ANKRD13C: variants seen among roughly 807,000 people sequenced by gnomAD.
ANKRD13C encodes ankyrin repeat domain 13C, also known as ankyrin repeat domain-containing protein 13C.
Under a neutral mutation model 65.5 loss-of-function variants are expected in ANKRD13C, and 16 were observed. That is an observed-to-expected ratio of 0.24 (90% CI 0.17 to 0.37). The LOEUF (loss-of-function observed/expected upper bound fraction) is 0.37. ANKRD13C is among the 10% of genes least tolerant of loss of function. The pLI is 1.00. For missense variants in ANKRD13C, 503 were observed against 655.9 expected, an observed-to-expected ratio of 0.77 and a Z score of 2.55; for synonymous variants, 235 against 238.7, an observed-to-expected ratio of 0.98 and a Z score of 0.14.
Position 70,345,509 on chromosome 1 carries a change from G to GTGCTTT in ANKRD13C, c.430+8469_430+8470insAAAGCA, listed in dbSNP as rs777951047. ...GTACTGTATTACACTGAAATATATTGGTCTGTCTTGTGCTTTGAATGGATC... is the reference window on the plus strand; with the variant it reads ...GTACTGTATTACACTGAAATATATTGTGCTTTGTCTGTCTTGTGCTTTGAATGGATC... On this transcript the variant is annotated intron_variant, in intron 1 of 12. Coordinates refer to ENST00000370944, the MANE Select transcript of ANKRD13C (RefSeq NM_030816.5). Among the ~76,000 whole-genome samples, 160 of 151,902 alleles carry GTGCTTT rather than the reference G, an allele frequency of 1.1e-3. 1 individual carries two copies. Among genetic ancestry groups the GTGCTTT allele is most frequent in the Non-Finnish European group, 1.2e-3 (83 of 67,974 alleles).
intron 3 of ANKRD13C, among the ~76,000 whole-genome samples, chr1:70,316,014 T>C (rs557855474): frequency 2.6e-5 from 4 of 152,288 alleles, no homozygotes; most frequent in African/African-American, 7.2e-5. Flanking sequence ...AATGTCCTAA[T>C]AGAACACTGA....
At chr1:70,274,891 T>C (rs1679063059) in intron 10 of ANKRD13C, 73 bp from the exon 11 acceptor site, 2 of 898,790 alleles carry the variant, frequency 2.2e-6, no homozygotes. Flanking sequence ...GCATCTGTCA[T>C]CTTTCAATGA....
rs747833091 is a variant in ANKRD13C, at chr1:70,354,301, A to G, written c.108T>C (p.Gly36=). The change falls in exon 1 of 13, where the codon GGT becomes GGC. Residue 36 remains glycine, a synonymous_variant. Transcript: ENST00000370944. The part of the protein sequence containing the change: ...GDEEAAAALG[G]TFTRSRIGKG... ...TGCCAATCCTGCTTCTGGTAAAGGT[A>G]CCGCCGAGGGCAGCCGCCGCTTCCT... 9.9e-6 allele frequency: 16 copies of G among 1,613,696 alleles called. No individual in the cohort carries two copies. In the Admixed American group the frequency reaches 2.7e-4, roughly 27 times the overall value.
At chr1:70,287,702 T>C (rs925860675) in intron 9 of ANKRD13C, among the ~76,000 whole-genome samples, 1 of 151,874 alleles carries the variant, frequency 6.6e-6, no homozygotes, top group Non-Finnish European at 1.5e-5. Context: ...AGAATTAACA[T>C]CTAGAAAATA....
chr1:70,290,333 T>C (rs1323116156), intron 9 of ANKRD13C, among the ~76,000 whole-genome samples: 1 of 152,166 alleles, frequency 6.6e-6, no homozygotes, highest in Non-Finnish European at 1.5e-5. Context: ...GACAATACTA[T>C]AGGGAAAGGA....
chr1:70,337,306 G>A (rs1682084910), intron 1 of ANKRD13C, among the ~76,000 whole-genome samples: 1 of 152,210 alleles, frequency 6.6e-6, no homozygotes, highest in Non-Finnish European at 1.5e-5. Context: ...CCATGGCCGG[G>A]CACGGTGGCT....
At chr1:70,331,686 A>G (rs1681805960) in intron 2 of ANKRD13C, among the ~76,000 whole-genome samples, 1 of 151,858 alleles carries the variant, frequency 6.6e-6, no homozygotes, top group Admixed American at 6.6e-5. Context: ...TACTAACAAT[A>G]CAAAAAATAG....
intron 11 of ANKRD13C, among the ~76,000 whole-genome samples, chr1:70,271,655 C>G (rs1266330509): frequency 6.6e-6 from 1 of 152,110 alleles, no homozygotes; most frequent in African/African-American, 2.4e-5. Context: ...CTGATTTTAT[C>G]CCTTTTCTGC....
intron 11 of ANKRD13C, among the ~76,000 whole-genome samples, chr1:70,271,245 T>C (rs143147338): frequency 2.0e-4 from 30 of 152,358 alleles, no homozygotes; most frequent in East Asian, 1.2e-3. Flanking sequence ...TGTCAATTTA[T>C]TGTGTGTGTA....
intron 1 of ANKRD13C, among the ~76,000 whole-genome samples, chr1:70,343,655 C>T (rs1235179456): frequency 6.6e-6 from 1 of 152,094 alleles, no homozygotes; most frequent in Non-Finnish European, 1.5e-5. Flanking sequence ...GCCTCAGCCT[C>T]CTGACTAGCT....
chr1:70,266,185 C>T (rs895773270), intron 12 of ANKRD13C, among the ~76,000 whole-genome samples: 27 of 152,302 alleles, frequency 1.8e-4, no homozygotes, highest in African/African-American at 6.3e-4. Flanking sequence ...CTCAACTGTT[C>T]ACTGCCACAG....
At chr1:70,278,702 G>T (rs1174686264) in intron 9 of ANKRD13C, among the ~76,000 whole-genome samples, 1 of 152,146 alleles carries the variant, frequency 6.6e-6, no homozygotes, top group East Asian at 1.9e-4. Flanking sequence ...TATAATTAGT[G>T]TAAGATGTTA....
chr1:70,290,026 A>G (rs184885315), intron 9 of ANKRD13C, among the ~76,000 whole-genome samples: 2 of 152,276 alleles, frequency 1.3e-5, no homozygotes, highest in African/African-American at 4.8e-5. Context: ...AGATCAGTAA[A>G]TACTAGCAGG....
At chr1:70,353,843 T>C in intron 1 of ANKRD13C, 136 bp downstream of exon 1, 1 of 1,229,484 alleles carries the variant, frequency 8.1e-7, no homozygotes, top group Admixed American at 3.2e-5. Flanking sequence ...ACTGAGTCGA[T>C]CATGATTTAC....
chr1:70,323,197 T>A (rs1681384773), intron 3 of ANKRD13C, among the ~76,000 whole-genome samples: 1 of 152,198 alleles, frequency 6.6e-6, no homozygotes, highest in South Asian at 2.1e-4. Flanking sequence ...GGATTAGTAT[T>A]GTTTCTTGCT....
rs537338456 is a variant in ANKRD13C, at chr1:70,351,488, C to T, written c.430+2491G>A. Among the ~76,000 whole-genome samples, 6 of 152,292 alleles carry T rather than the reference C, an allele frequency of 3.9e-5. No homozygotes were observed. In the East Asian group the frequency reaches 1.2e-3, roughly 29 times the overall value. Reference sequence around the variant, plus strand: ...GATCTTGGCTCACTGCAACCTCAGCCTCCCAGGTTCAAGCGATCCTCCTGC... The same window carrying T: ...GATCTTGGCTCACTGCAACCTCAGCTTCCCAGGTTCAAGCGATCCTCCTGC... On this transcript the variant is annotated intron_variant, in intron 1 of 12. Transcript: ENST00000370944.
At chr1:70,294,249 A>G (rs1481084343) in intron 8 of ANKRD13C, among the ~76,000 whole-genome samples, 2 of 152,206 alleles carry the variant, frequency 1.3e-5, no homozygotes. Context: ...GGAGAGCATA[A>G]AAAAGGTCTG....
intron 5 of ANKRD13C, 141 bp from the exon 6 acceptor site, chr1:70,306,431 A>G (rs1050907130): frequency 1.9e-6 from 1 of 522,564 alleles, no homozygotes; most frequent in Non-Finnish European, 3.2e-6. Flanking sequence ...CCATTTAAAA[A>G]TAAATAAAAT....
chr1:70,309,870 C>A (rs1029055418), intron 5 of ANKRD13C, among the ~76,000 whole-genome samples: 7 of 151,770 alleles, frequency 4.6e-5, no homozygotes, highest in African/African-American at 1.5e-4. Flanking sequence ...AAGTAGTGAT[C>A]ATATTATAAA....
Sources: gnomAD v4.1 joint callset for allele counts (sites outside exome capture counted in the v4.1 genomes callset) on GRCh38, gnomAD v4.1.1 for gene constraint, MANE v1.5 for transcripts, NCBI Gene and HGNC (gene_info 2026-07-23, HGNC 2026-07-21) for gene names.